The following FGF14 variants were observed in gnomAD, a reference collection of about 807,000 sequenced individuals.
FGF14 encodes fibroblast growth factor 14.
FGF14 carries 5 observed loss-of-function variants against 25.5 expected under a neutral mutation model. The ratio of observed to expected loss-of-function variants is 0.20; its 90% confidence interval spans 0.10 to 0.41. The LOEUF (loss-of-function observed/expected upper bound fraction) is 0.41, where lower values mean the gene tolerates loss of function less well. FGF14 is among the 10% of genes least tolerant of loss of function. The probability of loss-of-function intolerance (pLI) is 1.00; values close to 1 mark genes in which losing one functional copy is unlikely to be tolerated. For synonymous variants in FGF14, 138 were observed against 118.3 expected (o/e 1.17, Z -1.08); for missense variants, 222 against 320.1 (o/e 0.69, Z 2.34).
intron 3 of FGF14, among the ~76,000 whole-genome samples, chr13:101,774,431 A>G (rs1419151088): frequency 6.6e-6 from 1 of 152,174 alleles, no homozygotes; most frequent in Non-Finnish European, 1.5e-5. Flanking sequence ...AGAGGCGGAC[A>G]GGGATAATGA....
At chr13:102,048,877 G>T (rs1054547685) in intron 1 of FGF14, among the ~76,000 whole-genome samples, 2 of 152,124 alleles carry the variant, frequency 1.3e-5, no homozygotes, top group East Asian at 3.9e-4. Context: ...GATTACTCTG[G>T]ATTCCAACTC....
chr13:102,325,448 G>A (rs1367756166), intron 1 of FGF14, among the ~76,000 whole-genome samples: 1 of 151,998 alleles, frequency 6.6e-6, no homozygotes, highest in African/African-American at 2.4e-5. Context: ...CTGATCTTGG[G>A]TCTTACCACA....
chr13:102,300,922 CACACACACACACACAT>C (rs1184545326), intron 1 of FGF14, among the ~76,000 whole-genome samples: 4 of 79,586 alleles, frequency 5.0e-5, no homozygotes, highest in Admixed American at 1.5e-4. Flanking sequence ...TGCACACAGA[CACACACACACACACAT>C]ACACACACAC....
chr13:102,095,025 C>A (rs890355437), intron 1 of FGF14, among the ~76,000 whole-genome samples: 2 of 152,108 alleles, frequency 1.3e-5, no homozygotes, highest in Non-Finnish European at 2.9e-5. Context: ...AGAGAAACAT[C>A]ATGAAAGCCT....
At chr13:102,126,430 G>GT (rs1480970496) in intron 1 of FGF14, among the ~76,000 whole-genome samples, 2 of 152,082 alleles carry the variant, frequency 1.3e-5, no homozygotes, top group Non-Finnish European at 2.9e-5. Flanking sequence ...ATATTCTATT[G>GT]TATGTAGATA....
intron 1 of FGF14, among the ~76,000 whole-genome samples, chr13:102,374,644 T>TTTTA (rs2057984884): frequency 2.0e-5 from 1 of 49,350 alleles, no homozygotes; most frequent in East Asian, 5.2e-4. Flanking sequence ...CTTACATATT[T>TTTTA]TATATATATA....
At chr13:102,163,801 T>TC (rs1299156900) in intron 1 of FGF14, among the ~76,000 whole-genome samples, 11 of 152,044 alleles carry the variant, frequency 7.2e-5, no homozygotes, top group African/African-American at 1.9e-4. Context: ...CTCTGAAGGC[T>TC]TTAGTTCAAG....
rs1419040749 is a variant in FGF14, at chr13:101,720,575, T to G, written c.*2256A>C. 2.6e-5 allele frequency: 4 copies of G among 151,884 alleles called. No individual in the cohort carries two copies. Among genetic ancestry groups the G allele is most frequent in the African/African-American group, 9.7e-5 (4 of 41,322 alleles). 9.4% of individuals were successfully genotyped at this position (151,884 alleles called of 1,614,324 possible). A position where few individuals can be genotyped will look rare whatever the true frequency, so the allele number is the denominator to read the frequency against. ...GTGTGTGTGTGTGTGTATATGTGTGTGTTTGTGTGAAGTGAAGTGTTGCTG... is the reference window on the plus strand; with the variant it reads ...GTGTGTGTGTGTGTGTATATGTGTGGGTTTGTGTGAAGTGAAGTGTTGCTG... On this transcript the variant is annotated 3_prime_UTR_variant, in exon 5 of 5. Transcript: ENST00000376143.
intron 1 of FGF14, among the ~76,000 whole-genome samples, chr13:101,973,071 C>T (rs1300322321): frequency 6.6e-6 from 1 of 150,552 alleles, no homozygotes; most frequent in Non-Finnish European, 1.5e-5. Flanking sequence ...ACTCTCTTCA[C>T]TTTTCTCATA....
intron 1 of FGF14, among the ~76,000 whole-genome samples, chr13:101,931,344 T>C: frequency 6.6e-6 from 1 of 152,204 alleles, no homozygotes; most frequent in East Asian, 1.9e-4. Context: ...TTTCACTGTC[T>C]CTTGGTTTTT....
At chr13:102,360,105 G>A (rs1401522112) in intron 1 of FGF14, among the ~76,000 whole-genome samples, 3 of 152,108 alleles carry the variant, frequency 2.0e-5, no homozygotes, top group Admixed American at 2.0e-4. Flanking sequence ...TGCCCCTTCA[G>A]CCATTCTAAC....
rs567423987 is a variant in FGF14 at position 102,004,982 on chromosome 13, C to T, written c.209-129686G>A. ...TAAACCTCTTTCCTTTATAAATTAC[C>T]CAGTCATGGGTATTTCTTCATAGCA... On this transcript the variant is annotated intron_variant, in intron 1 of 4. Transcript: ENST00000376131. 3.9e-5 allele frequency among the ~76,000 whole-genome samples: 6 copies of T among 152,202 alleles called. No individual in the cohort carries two copies. The East Asian group carries it at 1.2e-3, about 29-fold the overall frequency.
At chr13:102,152,904 T>C (rs1474935993) in intron 1 of FGF14, among the ~76,000 whole-genome samples, 1 of 152,152 alleles carries the variant, frequency 6.6e-6, no homozygotes, top group Non-Finnish European at 1.5e-5. Flanking sequence ...AAGAGGTCTG[T>C]TTTTGGCTGC....
intron 3 of FGF14, among the ~76,000 whole-genome samples, chr13:101,733,180 T>C (rs1253674714): frequency 1.3e-5 from 2 of 152,212 alleles, no homozygotes; most frequent in Admixed American, 1.3e-4. Context: ...ACTTTATTTA[T>C]ATAAAGTTGT....
intron 1 of FGF14, among the ~76,000 whole-genome samples, chr13:101,947,231 G>T (rs1181414493): frequency 1.3e-5 from 2 of 152,178 alleles, no homozygotes; most frequent in African/African-American, 4.8e-5. Flanking sequence ...TACACTGTTG[G>T]TGGGAATATA....
At chr13:101,867,290 T>C (rs1381108062) in intron 3 of FGF14, among the ~76,000 whole-genome samples, 1 of 152,116 alleles carries the variant, frequency 6.6e-6, no homozygotes, top group African/African-American at 2.4e-5. Context: ...TAAAAAAGAA[T>C]GGCATACATT....
intron 1 of FGF14, among the ~76,000 whole-genome samples, chr13:102,031,663 A>G (rs945359975): frequency 6.7e-5 from 10 of 148,714 alleles, no homozygotes; most frequent in African/African-American, 2.6e-4. Flanking sequence ...AAAACATAAA[A>G]CAGCAAAAAA....
At chr13:102,139,317 T>C (rs954020433) in intron 1 of FGF14, among the ~76,000 whole-genome samples, 1 of 151,622 alleles carries the variant, frequency 6.6e-6, no homozygotes, top group Non-Finnish European at 1.5e-5. Flanking sequence ...CAAAAATCAC[T>C]CGAACCCAGG....
intron 1 of FGF14, among the ~76,000 whole-genome samples, chr13:102,152,078 G>C (rs2047112538): frequency 6.6e-6 from 1 of 152,196 alleles, no homozygotes; most frequent in African/African-American, 2.4e-5. Flanking sequence ...ACGAAGCACG[G>C]ATATTTATGG....
Sources: allele counts gnomAD v4.1 joint callset (sites outside exome capture counted in the v4.1 genomes callset), GRCh38; gene constraint gnomAD v4.1.1; transcripts MANE v1.5; gene names NCBI Gene and HGNC (gene_info 2026-07-23, HGNC 2026-07-21).